The following HAS3 variants were observed in gnomAD, a reference collection of about 807,000 sequenced individuals.
HAS3 encodes HA synthase 3.
Under a neutral mutation model 50.3 loss-of-function variants are expected in HAS3, and 27 were observed. The ratio of observed to expected loss-of-function variants is 0.54; its 90% confidence interval spans 0.40 to 0.74. The LOEUF is 0.74. Ranked by LOEUF, HAS3 falls within the 30% of genes least tolerant of loss-of-function variation. HAS3 has a pLI of 0.00. For missense variants in HAS3, 517 were observed against 742.8 expected (o/e 0.70, Z 3.53); for synonymous variants, 339 against 310.9 (o/e 1.09, Z -0.95).
chr16:69,087,289 A>G, the HAS3 span, among the ~76,000 whole-genome samples: 3 of 152,212 alleles, frequency 2.0e-5, no homozygotes, highest in African/African-American at 7.2e-5. Context: ...GGAGACATGC[A>G]GAGGCCCCAC....
chr16:69,099,455 G>T, the HAS3 span, among the ~76,000 whole-genome samples: 4 of 152,004 alleles, frequency 2.6e-5, no homozygotes, highest in African/African-American at 9.7e-5. Flanking sequence ...AGCCTCCCGA[G>T]TAGCTGGGAC....
chr16:69,109,947 G>C lies in HAS3; in HGVS notation c.552G>C (p.Ser184=). The part of the protein sequence containing the change: ...VRDVVRASTF[S]CIMQKWGGKR... ...ATGTGGTGCGGGCCAGCACCTTCTC[G>C]TGCATCATGCAGAAGTGGGGAGGCA... Residue 184 remains serine, a synonymous_variant, in exon 2 of 4, where the codon TCG becomes TCC. Transcript: ENST00000569188. This position sits in a 1 kb window ranked among gnomAD's most constrained non-coding sequence, Gnocchi z 5.3. The C allele has an allele frequency of 6.2e-7, 1 of 1,614,086 alleles. No homozygotes were observed. Among genetic ancestry groups the C allele is most frequent in the Non-Finnish European group, 8.5e-7 (1 of 1,180,014 alleles).
rs139315121 is a variant in HAS3, at chr16:69,116,832, A to G, written c.*1566A>G. 1 of 985,242 alleles carries G rather than the reference A, an allele frequency of 1.0e-6. No individual in the cohort carries two copies. The highest frequency in any genetic ancestry group is 1.2e-6 in the Non-Finnish European group (1 of 829,928). 61.0% of individuals were successfully genotyped at this position (985,242 alleles called of 1,614,324 possible). On this transcript the variant is annotated 3_prime_UTR_variant, in exon 4 of 4. Transcript: ENST00000569188. ...TTAAGGGTTGCTTGCTTGCCCTCCA[A>G]ATGTCCTTTCTCAGAGGGGCCAGCT...
rs112703877 is a variant in HAS3, at chr16:69,116,996, G to A, written c.*1730G>A. On this transcript the variant is annotated 3_prime_UTR_variant, in exon 4 of 4. Transcript: ENST00000569188. Reference sequence around the variant, plus strand: ...CCTGGTGCTTTCCTTCATCTCCCACGAACTCAAGGGTTTTCCAGGTGTAGC... The same window carrying A: ...CCTGGTGCTTTCCTTCATCTCCCACAAACTCAAGGGTTTTCCAGGTGTAGC... The A allele has an allele frequency of 6.1e-5, 60 of 985,380 alleles. No homozygotes were observed. Among genetic ancestry groups the A allele is most frequent in the South Asian group, 5.2e-4 (11 of 21,280 alleles). The allele number at this position is 985,380 out of a possible 1,614,324, so 61.0% of individuals were successfully genotyped here.
chr16:69,109,269 T>A lies in HAS3; in HGVS notation c.1-127T>A, dbSNP rs941291738. 2.2e-6 allele frequency: 2 copies of A among 928,094 alleles called. No individual in the cohort carries two copies. The highest frequency in any genetic ancestry group is 3.2e-6 in the Non-Finnish European group (2 of 630,846). The allele number at this position is 928,094 out of a possible 1,614,324, so 57.5% of individuals were successfully genotyped here. A position where few individuals can be genotyped will look rare whatever the true frequency, so the allele number is the denominator to read the frequency against. On this transcript the variant is annotated intron_variant, in intron 1 of 3. Coordinates refer to ENST00000569188, the MANE Select transcript of HAS3 (RefSeq NM_001199280.2). This position sits in a 1 kb window ranked among gnomAD's most constrained non-coding sequence, Gnocchi z 5.3. Reference sequence around the variant, plus strand: ...TGGCTTCTGAGTCTACCAAGTCTTATGCTCAGTAAGCGGTAACGGTTTTGA... The same window carrying A: ...TGGCTTCTGAGTCTACCAAGTCTTAAGCTCAGTAAGCGGTAACGGTTTTGA...
chr16:69,110,669 A>C (rs977059515), intron 2 of HAS3, among the ~76,000 whole-genome samples: 2 of 152,208 alleles, frequency 1.3e-5, no homozygotes, highest in Admixed American at 1.3e-4. Flanking sequence ...CAAAGCACAG[A>C]GAAGCTAAGT....
chr16:69,091,169 C>T, the HAS3 span, among the ~76,000 whole-genome samples: 1 of 152,142 alleles, frequency 6.6e-6, no homozygotes, highest in African/African-American at 2.4e-5. Context: ...CCCTCTAGAT[C>T]TTTATTTATT....
In HAS3 at chr16:69,115,021, A is replaced by T. The variant is rs1567582307; in HGVS notation, c.1417A>T (p.Thr473Ser). 2 of 1,613,842 alleles carry T rather than the reference A, an allele frequency of 1.2e-6. No individual in the cohort carries two copies. Among genetic ancestry groups the T allele is most frequent in the Non-Finnish European group, 1.7e-6 (2 of 1,179,996 alleles). Residue 473 changes from threonine (T) to serine (S), a missense_variant, in exon 4 of 4, where the codon ACC becomes TCC. Coordinates refer to ENST00000569188, the MANE Select transcript of HAS3 (RefSeq NM_001199280.2). The part of the protein sequence containing the change: ...KSGWGTSGRK[T>S]IVVNFIGLIP... Reference sequence around the variant, plus strand: ...TGGCTGGGGCACCTCTGGCCGAAAAACCATTGTGGTGAACTTCATTGGCCT... The same window carrying T: ...TGGCTGGGGCACCTCTGGCCGAAAATCCATTGTGGTGAACTTCATTGGCCT...
At chr16:69,084,527 T>G in the HAS3 span, 1 of 152,386 alleles carries the variant, frequency 6.6e-6, no homozygotes, top group African/African-American at 2.4e-5. Flanking sequence ...TGCATGCTGG[T>G]GGCCTAATGC....
At chr16:69,086,702 C>T in the HAS3 span, among the ~76,000 whole-genome samples, 5 of 151,890 alleles carry the variant, frequency 3.3e-5, no homozygotes, top group Admixed American at 6.6e-5. Flanking sequence ...GTCGGGAGTT[C>T]GAGACCAGCC....
chr16:69,115,524 ATAG>A lies in HAS3; in HGVS notation c.*259_*261del. 2.5e-6 allele frequency: 3 copies of A among 1,202,282 alleles called. No homozygotes were observed. The highest frequency in any genetic ancestry group is 3.1e-6 in the Non-Finnish European group (3 of 967,666). The allele number at this position is 1,202,282 out of a possible 1,614,324, so 74.5% of individuals were successfully genotyped here. On this transcript the variant is annotated 3_prime_UTR_variant, in exon 4 of 4. Coordinates refer to ENST00000569188, the MANE Select transcript of HAS3 (RefSeq NM_001199280.2). ...ACTGCCTGTCTGCTTGCATCTGCAC[ATAG>A]GCAGTAGCCTCCTCCTGGGCTCCAG...
At chr16:69,113,673 T>C in intron 3 of HAS3, 131 bp downstream of exon 3, 1 of 612,024 alleles carries the variant, frequency 1.6e-6, no homozygotes, top group Non-Finnish European at 2.9e-6. Context: ...CAGTTTTCAC[T>C]GACACCAAAG....
At chr16:69,094,620 G>A in the HAS3 span, among the ~76,000 whole-genome samples, 7 of 152,282 alleles carry the variant, frequency 4.6e-5, no homozygotes, top group Admixed American at 2.0e-4. Flanking sequence ...GACCCCTCAT[G>A]AGTCTCTAGA....
intron 2 of HAS3, among the ~76,000 whole-genome samples, chr16:69,111,351 C>T (rs1182926145): frequency 2.6e-5 from 4 of 151,906 alleles, no homozygotes; most frequent in East Asian, 3.9e-4. Flanking sequence ...GGATTACAGG[C>T]GTGAGCCACC....
chr16:69,104,992 G>GTGTTTTTTTTTTT (rs1960749369), upstream of HAS3, among the ~76,000 whole-genome samples: 1 of 81,958 alleles, frequency 1.2e-5, no homozygotes, highest in African/African-American at 4.7e-5. Context: ...CTGTTTTTTG[G>GTGTTTTTTTTTTT]TTTTTTTTTT....
At chr16:69,100,218 CTTTG>C in the HAS3 span, among the ~76,000 whole-genome samples, 1 of 152,166 alleles carries the variant, frequency 6.6e-6, no homozygotes, top group Non-Finnish European at 1.5e-5. Context: ...GAAAGAATAA[CTTTG>C]TTTGGTGGTA....
chr16:69,083,755 G>T, the HAS3 span: 1 of 1,386,562 alleles, frequency 7.2e-7, no homozygotes, highest in Non-Finnish European at 9.7e-7. Context: ...CCTCTTGAGT[G>T]CTGGCAGCAT....
chr16:69,091,616 C>T, the HAS3 span, among the ~76,000 whole-genome samples: 1 of 152,102 alleles, frequency 6.6e-6, no homozygotes, highest in East Asian at 1.9e-4. Context: ...GACTAGGAAG[C>T]CTTCAGGGCT....
Position 69,114,224 on chromosome 16 carries a change from G to T in HAS3, c.739-119G>T. Reference sequence around the variant, plus strand: ...CAGGTTTCCCAGCTCCAAAGGAACCGATGGCCAGGAATCTAAGCAGCGGGC... The same window carrying T: ...CAGGTTTCCCAGCTCCAAAGGAACCTATGGCCAGGAATCTAAGCAGCGGGC... On this transcript the variant is annotated intron_variant, in intron 3 of 3. Transcript: ENST00000569188. The surrounding 1 kb of genome is among the most constrained non-coding windows in gnomAD (Gnocchi z 6.4). The T allele has an allele frequency of 3.4e-6, 5 of 1,453,470 alleles. No individual in the cohort carries two copies. The highest frequency in any genetic ancestry group is 4.6e-6 in the Non-Finnish European group (5 of 1,093,916). The allele number at this position is 1,453,470 out of a possible 1,614,324, so 90.0% of individuals were successfully genotyped here.
Sources: allele counts gnomAD v4.1 joint callset (sites outside exome capture counted in the v4.1 genomes callset), GRCh38; gene constraint gnomAD v4.1.1; non-coding constraint Gnocchi (gnomAD v3.1); transcripts MANE v1.5; gene names NCBI Gene and HGNC (gene_info 2026-07-23, HGNC 2026-07-21).